The following ATAD2B variants were observed in gnomAD, a reference collection of about 807,000 sequenced individuals.
ATAD2B encodes the protein ATPase family AAA domain containing 2B.
Under a neutral mutation model 167.6 loss-of-function variants are expected in ATAD2B, and 40 were observed. That is an observed-to-expected ratio of 0.24 (90% CI 0.19 to 0.31). The LOEUF is 0.31. Ranked by LOEUF, ATAD2B falls within the 10% of genes least tolerant of loss-of-function variation. The pLI, the probability that ATAD2B is intolerant of heterozygous loss-of-function variation, is 1.00. For synonymous variants in ATAD2B, 579 were observed against 596.5 expected (o/e 0.97, Z 0.43); for missense variants, 1,242 against 1,757.2 (o/e 0.71, Z 5.24).
At chr2:23,820,998 G>A (rs910506773) in intron 16 of ATAD2B, among the ~76,000 whole-genome samples, 2 of 152,042 alleles carry the variant, frequency 1.3e-5, no homozygotes, top group East Asian at 3.9e-4. Flanking sequence ...TTTAATCTGG[G>A]AAATAACTGA....
At chr2:23,876,486 G>C (rs1696862084) in intron 7 of ATAD2B, among the ~76,000 whole-genome samples, 1 of 151,910 alleles carries the variant, frequency 6.6e-6, no homozygotes, top group Admixed American at 6.6e-5. Flanking sequence ...ATTTTTGGTA[G>C]AGACGGGGTT....
the ATAD2B span, among the ~76,000 whole-genome samples, chr2:23,694,602 CCT>C: frequency 2.6e-5 from 4 of 152,220 alleles, no homozygotes; most frequent in African/African-American, 4.8e-5. Context: ...CAGCCTCTCT[CCT>C]CTCACTTCTC....
chr2:23,788,865 T>G (rs1269578222), intron 19 of ATAD2B, among the ~76,000 whole-genome samples: 2 of 152,032 alleles, frequency 1.3e-5, no homozygotes, highest in African/African-American at 4.8e-5. Context: ...CCCAAGTCAT[T>G]AATGAATGAT....
At position 23,751,959 on chromosome 2, in the gene ATAD2B, T is replaced by C; in HGVS notation, c.*87A>G. 1 of 1,028,192 alleles carries C rather than the reference T, an allele frequency of 9.7e-7. No individual in the cohort carries two copies. Among genetic ancestry groups the C allele is most frequent in the East Asian group, 2.6e-5 (1 of 38,174 alleles). The allele number at this position is 1,028,192 out of a possible 1,614,324, so 63.7% of individuals were successfully genotyped here. A position where few individuals can be genotyped will look rare whatever the true frequency, so the allele number is the denominator to read the frequency against. ...GCACTTTACACCAAGGCTCTGCACATAATTGGTGCAATTTGAAATTGAATG... is the reference window on the plus strand; with the variant it reads ...GCACTTTACACCAAGGCTCTGCACACAATTGGTGCAATTTGAAATTGAATG... On this transcript the variant is annotated 3_prime_UTR_variant, in exon 28 of 28. Coordinates refer to ENST00000238789, the MANE Select transcript of ATAD2B (RefSeq NM_017552.4).
Position 23,788,657 on chromosome 2 carries a change from T to TAC in ATAD2B, c.2641-12_2641-11dup, listed in dbSNP as rs763333307. On this transcript the variant is annotated splice_polypyrimidine_tract_variant and intron_variant, in intron 19 of 27. Transcript: ENST00000238789. ...TAAAGATACATTTAACCTACACATA[T>TAC]ACACACACACAAAGACATTAAATAT... 14 of 1,562,586 alleles carry TAC rather than the reference T, an allele frequency of 9.0e-6. No individual in the cohort carries two copies. Among genetic ancestry groups the TAC allele is most frequent in the South Asian group, 7.9e-5 (7 of 88,432 alleles).
the ATAD2B span, among the ~76,000 whole-genome samples, chr2:23,725,924 G>A: frequency 6.6e-6 from 1 of 152,168 alleles, no homozygotes; most frequent in South Asian, 2.1e-4. Flanking sequence ...TCGTGGGAAA[G>A]TAAAATGATA....
At chr2:23,878,455 G>A (rs894828557) in intron 7 of ATAD2B, among the ~76,000 whole-genome samples, 8 of 151,516 alleles carry the variant, frequency 5.3e-5, no homozygotes, top group Admixed American at 6.6e-5. Flanking sequence ...TCAGGAGATC[G>A]AGACCATCCT....
chr2:23,815,901 T>A (rs1438851323), intron 17 of ATAD2B, among the ~76,000 whole-genome samples: 1 of 152,200 alleles, frequency 6.6e-6, no homozygotes, highest in Non-Finnish European at 1.5e-5. Flanking sequence ...TAGCAAGCTA[T>A]TACATTTATT....
intron 13 of ATAD2B, among the ~76,000 whole-genome samples, chr2:23,850,873 C>T (rs1292038296): frequency 6.6e-6 from 1 of 152,118 alleles, no homozygotes; most frequent in African/African-American, 2.4e-5. Context: ...GAGTTAAGAG[C>T]TAAGGTGTTA....
At chr2:23,739,320 T>G in the ATAD2B span, among the ~76,000 whole-genome samples, 1 of 151,990 alleles carries the variant, frequency 6.6e-6, no homozygotes, top group Admixed American at 6.6e-5. Flanking sequence ...CCTCAGCAAA[T>G]GTAAAAGAAC....
chr2:23,820,841 C>T (rs1572902678), intron 16 of ATAD2B, among the ~76,000 whole-genome samples: 1 of 151,934 alleles, frequency 6.6e-6, no homozygotes, highest in Non-Finnish European at 1.5e-5. Flanking sequence ...CCCAGCTACT[C>T]GGGAGGCTGA....
At chr2:23,892,312 C>A (rs566339556) in intron 2 of ATAD2B, among the ~76,000 whole-genome samples, 44 of 152,166 alleles carry the variant, frequency 2.9e-4, no homozygotes, top group African/African-American at 1.0e-3. Context: ...TACAGGCACC[C>A]GCCACCACGC....
intron 12 of ATAD2B, among the ~76,000 whole-genome samples, chr2:23,858,843 C>A (rs537136686): frequency 6.6e-6 from 1 of 151,840 alleles, no homozygotes; most frequent in Non-Finnish European, 1.5e-5. Context: ...CACAGTTAAA[C>A]CTGTCCCCTT....
At chr2:23,887,240 G>T (rs1558736111) in intron 4 of ATAD2B, among the ~76,000 whole-genome samples, 1 of 152,068 alleles carries the variant, frequency 6.6e-6, no homozygotes, top group East Asian at 1.9e-4. Flanking sequence ...CTCCAGCCTG[G>T]GCGAGGGATT....
intron 18 of ATAD2B, among the ~76,000 whole-genome samples, chr2:23,808,458 A>C (rs530967545): frequency 1.3e-4 from 19 of 151,802 alleles, no homozygotes; most frequent in Non-Finnish European, 2.4e-4. Context: ...TTTTCTTCTC[A>C]TAGTCCCTTC....
At chr2:23,778,068 T>TTA (rs1679433756) in intron 22 of ATAD2B, among the ~76,000 whole-genome samples, 1 of 152,130 alleles carries the variant, frequency 6.6e-6, no homozygotes, top group Non-Finnish European at 1.5e-5. Flanking sequence ...AATTTCCACT[T>TTA]GCTACACAAC....
rs1342142373 is a variant in ATAD2B, at chr2:23,833,309, A to C, written c.1728+610T>G. On this transcript the variant is annotated intron_variant, in intron 14 of 27. Coordinates refer to ENST00000238789, the MANE Select transcript of ATAD2B (RefSeq NM_017552.4). ...TCCTTTGCATGTATCTCTTCCTCTC[A>C]AATTTGAGTTTCTAATGAAAAGCCA... Among the ~76,000 whole-genome samples, 3 of 152,212 alleles carry C rather than the reference A, an allele frequency of 2.0e-5. No homozygotes were observed. The South Asian group carries it at 6.2e-4, about 32-fold the overall frequency.
intron 13 of ATAD2B, among the ~76,000 whole-genome samples, chr2:23,834,578 C>G (rs1471345705): frequency 2.6e-5 from 2 of 77,958 alleles, no homozygotes; most frequent in Non-Finnish European, 5.7e-5. Context: ...ACACCTAAAC[C>G]TTGGCAACCA....
the ATAD2B span, among the ~76,000 whole-genome samples, chr2:23,720,574 G>A: frequency 3.4e-4 from 18 of 53,134 alleles, 1 homozygote; most frequent in South Asian, 0.016. Flanking sequence ...GCGAGACTCC[G>A]TCTCAAAAAA....
Sources: gnomAD v4.1 joint callset for allele counts (sites outside exome capture counted in the v4.1 genomes callset) on GRCh38, gnomAD v4.1.1 for gene constraint, MANE v1.5 for transcripts, NCBI Gene and HGNC (gene_info 2026-07-23, HGNC 2026-07-21) for gene names.